The following PI4K2A variants were observed in gnomAD, a reference collection of about 807,000 sequenced individuals.
PI4K2A encodes the protein phosphatidylinositol 4-kinase type 2 alpha.
Under a neutral mutation model 55.0 loss-of-function variants are expected in PI4K2A, and 20 were observed. That is an observed-to-expected ratio of 0.36 (90% confidence interval 0.26 to 0.53). The LOEUF is 0.53. PI4K2A is among the 20% of genes least tolerant of loss of function. The pLI is 0.91. For missense variants in PI4K2A, 463 were observed against 637.1 expected, an observed-to-expected ratio of 0.73 and a Z score of 2.94; for synonymous variants, 235 against 258.5, an observed-to-expected ratio of 0.91 and a Z score of 0.87.
At chr10:97,663,077 C>A in intron 5 of PI4K2A, 109 bp downstream of exon 5, 1 of 754,088 alleles carries the variant, frequency 1.3e-6, no homozygotes, top group Non-Finnish European at 2.3e-6. Context: ...AATCGGGGGG[C>A]GCATATGTTT....
exon 9 of PI4K2A, chr10:97,674,153 GA>G (rs2041649608): frequency 6.3e-6 from 1 of 158,020 alleles, no homozygotes; most frequent in African/African-American, 2.4e-5. Context: ...TCTCATGTCA[GA>G]AACCTTTAAT....
At chr10:97,671,124 C>G (rs1019928082) in intron 8 of PI4K2A, among the ~76,000 whole-genome samples, 1 of 147,326 alleles carries the variant, frequency 6.8e-6, no homozygotes, top group Non-Finnish European at 1.5e-5. Flanking sequence ...GCAAGAAGAG[C>G]GAAACTCCGT....
At chr10:97,655,323 CTG>C (rs1488370756) in intron 2 of PI4K2A, among the ~76,000 whole-genome samples, 3 of 145,410 alleles carry the variant, frequency 2.1e-5, no homozygotes, top group Non-Finnish European at 3.0e-5. Context: ...TGAGCCGAGA[CTG>C]TGCCACTGCA....
intron 8 of PI4K2A, among the ~76,000 whole-genome samples, chr10:97,667,746 A>G (rs900207721): frequency 6.6e-6 from 1 of 152,156 alleles, no homozygotes; most frequent in Non-Finnish European, 1.5e-5. Flanking sequence ...GGTGGTTAAG[A>G]TCTGGGCCCT....
intron 8 of PI4K2A, among the ~76,000 whole-genome samples, chr10:97,670,783 A>G (rs1420903391): frequency 1.3e-5 from 2 of 152,172 alleles, no homozygotes; most frequent in African/African-American, 4.8e-5. Context: ...TTCAGGGTGC[A>G]GCCTAGCTTA....
chr10:97,651,202 C>A, intron 2 of PI4K2A, 61 bp downstream of exon 2: 1 of 1,323,950 alleles, frequency 7.6e-7, no homozygotes. Context: ...GGGCCTAAGC[C>A]CTGCTACATG....
intron 1 of PI4K2A, among the ~76,000 whole-genome samples, chr10:97,646,109 G>A (rs1379124221): frequency 1.3e-5 from 2 of 152,054 alleles, no homozygotes; most frequent in Admixed American, 6.6e-5. Flanking sequence ...GGAGTGGAGA[G>A]TGGAGATTTC....
chr10:97,673,118 T>G (rs2041644865), intron 8 of PI4K2A, among the ~76,000 whole-genome samples: 1 of 151,862 alleles, frequency 6.6e-6, no homozygotes, highest in African/African-American at 2.4e-5. Flanking sequence ...TCCCCAGTAG[T>G]TGGGACTACA....
At chr10:97,650,367 C>G (rs755278159) in intron 1 of PI4K2A, among the ~76,000 whole-genome samples, 1 of 149,274 alleles carries the variant, frequency 6.7e-6, no homozygotes, top group Non-Finnish European at 1.5e-5. Context: ...CTGCAACCTC[C>G]GCCCCATGGG....
intron 8 of PI4K2A, among the ~76,000 whole-genome samples, chr10:97,670,761 T>A (rs530920064): frequency 2.4e-4 from 37 of 152,154 alleles, no homozygotes; most frequent in Admixed American, 3.9e-4. Flanking sequence ...GAGGGCTGTG[T>A]GTCTGTGTGA....
intron 8 of PI4K2A, among the ~76,000 whole-genome samples, chr10:97,668,997 CTGGGATTACAGGTGCAT>C (rs1464482854): frequency 4.5e-4 from 68 of 152,244 alleles, no homozygotes; most frequent in Admixed American, 1.6e-3. Flanking sequence ...TCCCAAGTAG[CTGGGATTACAGGTGCAT>C]GGCACCACAC....
intron 4 of PI4K2A, among the ~76,000 whole-genome samples, chr10:97,660,328 C>T (rs2041575752): frequency 1.5e-5 from 2 of 136,240 alleles, no homozygotes; most frequent in South Asian, 4.9e-4. Flanking sequence ...CGGAGTCTCA[C>T]TCTGTCGCCC....
rs906358499 is a variant in PI4K2A at position 97,673,826 on chromosome 10, C to T, written c.*84C>T. 26 of 1,302,066 alleles carry T rather than the reference C, an allele frequency of 2.0e-5. No homozygotes were observed. In the South Asian group the frequency reaches 2.3e-4, roughly 11 times the overall value. The allele number at this position is 1,302,066 out of a possible 1,614,324, so 80.7% of individuals were successfully genotyped here. On this transcript the variant is annotated 3_prime_UTR_variant, in exon 9 of 9. Coordinates refer to ENST00000370631, the Ensembl canonical transcript of PI4K2A. Reference sequence around the variant, plus strand: ...GGGGTGCAGGAAAAGCCAGAGAAGCCGGTGGAGAGCAGCACCTTTAAGAGC... The same window carrying T: ...GGGGTGCAGGAAAAGCCAGAGAAGCTGGTGGAGAGCAGCACCTTTAAGAGC...
chr10:97,656,519 A>G lies in PI4K2A; in HGVS notation c.768+103A>G. The G allele has an allele frequency of 1.0e-5, 11 of 1,096,400 alleles. No homozygotes were observed. The highest frequency in any genetic ancestry group is 1.5e-5 in the Non-Finnish European group (11 of 741,594). The allele number at this position is 1,096,400 out of a possible 1,614,324, so 67.9% of individuals were successfully genotyped here. A position where few individuals can be genotyped will look rare whatever the true frequency, so the allele number is the denominator to read the frequency against. On this transcript the variant is annotated intron_variant, in intron 3 of 8. Coordinates refer to ENST00000370631, the Ensembl canonical transcript of PI4K2A. This position sits in a 1 kb window ranked among gnomAD's most constrained non-coding sequence, Gnocchi z 4.5. ...ACAACTCAAATATGGGCACGTGAAT[A>G]ACCTGCCCTGAGGATCCTGTCTTCC...
chr10:97,641,077 C>T, exon 1 of PI4K2A: 1 of 1,608,364 alleles, frequency 6.2e-7, no homozygotes, highest in Non-Finnish European at 8.5e-7. Flanking sequence ...GAGTTCGAGG[C>T]GGTGGTGCGG....
intron 1 of PI4K2A, among the ~76,000 whole-genome samples, chr10:97,646,219 AT>A (rs34709946): frequency 0.035 from 4,897 of 141,494 alleles, 236 homozygotes; most frequent in African/African-American, 0.11. Flanking sequence ...GTCCTTAATA[AT>A]TTTTTTTTTT....
chr10:97,661,768 A>G (rs1336224261), intron 4 of PI4K2A, among the ~76,000 whole-genome samples: 4 of 151,588 alleles, frequency 2.6e-5, no homozygotes, highest in Non-Finnish European at 5.9e-5. Flanking sequence ...GAAGTTCCAC[A>G]TTGTGGATTT....
intron 4 of PI4K2A, among the ~76,000 whole-genome samples, chr10:97,658,698 TG>T (rs2041567300): frequency 6.6e-6 from 1 of 152,236 alleles, no homozygotes; most frequent in Non-Finnish European, 1.5e-5. Context: ...CAGCACTTAC[TG>T]TTTTCTGTTT....
intron 8 of PI4K2A, among the ~76,000 whole-genome samples, chr10:97,669,330 G>A (rs752384789): frequency 2.0e-5 from 3 of 152,208 alleles, no homozygotes; most frequent in Admixed American, 6.5e-5. Context: ...TCAGCATAAA[G>A]GAGTAAACTG....
Sources: allele counts gnomAD v4.1 joint callset (sites outside exome capture counted in the v4.1 genomes callset), GRCh38; gene constraint gnomAD v4.1.1; non-coding constraint Gnocchi (gnomAD v3.1); transcripts MANE v1.5; gene names NCBI Gene and HGNC (gene_info 2026-07-23, HGNC 2026-07-21).